RBPJ: variants seen among roughly 807,000 people sequenced by gnomAD.
The protein encoded by RBPJ is recombination signal binding protein for immunoglobulin kappa J region.
In RBPJ, 9 loss-of-function variants were observed where a neutral mutation model predicts 67.8. The ratio of observed to expected loss-of-function variants is 0.13; its 90% CI spans 0.08 to 0.23. RBPJ has a LOEUF of 0.23. Ranked by LOEUF, RBPJ falls within the 10% of genes least tolerant of loss-of-function variation. The pLI, the probability that RBPJ is intolerant of heterozygous loss-of-function variation, is 1.00. For synonymous variants in RBPJ, 198 were observed against 203.3 expected (o/e 0.97, Z 0.22); for missense variants, 305 against 595.6 (o/e 0.51, Z 5.08).
At chr4:26,419,308 T>C (rs1734895822) in intron 4 of RBPJ, among the ~76,000 whole-genome samples, 1 of 152,222 alleles carries the variant, frequency 6.6e-6, no homozygotes, top group Non-Finnish European at 1.5e-5. Flanking sequence ...ATTGGCTTTA[T>C]CTTATTTTTG....
chr4:26,371,897 A>G (rs1042336876), intron 1 of RBPJ, among the ~76,000 whole-genome samples: 1 of 152,242 alleles, frequency 6.6e-6, no homozygotes, highest in Non-Finnish European at 1.5e-5. Context: ...ATGGAACAGA[A>G]TATGGCTTCC....
At position 26,172,076 on chromosome 4, in the gene RBPJ, C is replaced by T. The variant is rs144784662; in HGVS notation, c.-167+8462C>T. On this transcript the variant is annotated intron_variant, in intron 1 of 4. Transcript: ENST00000512351. ...GGCAGCGAAGGCTGGAAATCCACAT[C>T]GTCAAGCTCCTTCCATCCTTGTGCA... Among the ~76,000 whole-genome samples the T allele has an allele frequency of 4.1e-3, 625 of 152,280 alleles. 7 individuals are homozygous for T. The highest frequency in any genetic ancestry group is 0.014 in the African/African-American group (601 of 41,562).
At chr4:26,167,878 G>A (rs1411636009) in intron 1 of RBPJ, among the ~76,000 whole-genome samples, 1 of 152,140 alleles carries the variant, frequency 6.6e-6, no homozygotes, top group Non-Finnish European at 1.5e-5. Flanking sequence ...CTTATTATTA[G>A]AGACTAGGAT....
chr4:26,402,415 G>A (rs1009901132), intron 2 of RBPJ, among the ~76,000 whole-genome samples: 2 of 152,148 alleles, frequency 1.3e-5, no homozygotes, highest in Non-Finnish European at 2.9e-5. Context: ...TTTGTCCATA[G>A]TTAGCTTCCT....
At chr4:26,253,636 C>A (rs914526401) in intron 1 of RBPJ, among the ~76,000 whole-genome samples, 3 of 148,762 alleles carry the variant, frequency 2.0e-5, no homozygotes, top group Admixed American at 1.3e-4. Context: ...CCTTTCAGCC[C>A]ATTTTTAGAG....
chr4:26,299,903 C>T (rs938232992), intron 1 of RBPJ, among the ~76,000 whole-genome samples: 6 of 151,992 alleles, frequency 3.9e-5, no homozygotes, highest in Admixed American at 2.6e-4. Context: ...GTTGGCAAAG[C>T]TGGTCTCCTC....
intron 1 of RBPJ, among the ~76,000 whole-genome samples, chr4:26,314,522 T>G (rs999324409): frequency 1.2e-4 from 18 of 151,986 alleles, no homozygotes; most frequent in African/African-American, 4.4e-4. Context: ...GGGGGTGGAT[T>G]TTCTTCTTGG....
chr4:26,231,613 T>C (rs141746569), intron 1 of RBPJ, among the ~76,000 whole-genome samples: 169 of 152,156 alleles, frequency 1.1e-3, no homozygotes, highest in African/African-American at 3.9e-3. Flanking sequence ...GGTTTCACCA[T>C]GTTGGCCAGG....
intron 1 of RBPJ, among the ~76,000 whole-genome samples, chr4:26,380,736 G>A (rs1485180069): frequency 6.6e-6 from 1 of 151,880 alleles, no homozygotes; most frequent in African/African-American, 2.4e-5. Flanking sequence ...GTAAAGTTTA[G>A]TTTAATTATG....
At chr4:26,348,706 G>T (rs1252684864) in intron 1 of RBPJ, among the ~76,000 whole-genome samples, 4 of 149,620 alleles carry the variant, frequency 2.7e-5, no homozygotes, top group Non-Finnish European at 5.9e-5. Context: ...TTTGTTTTTT[G>T]TTTTTTTTTG....
chr4:26,304,431 A>T (rs1722169755), intron 1 of RBPJ, among the ~76,000 whole-genome samples: 1 of 152,200 alleles, frequency 6.6e-6, no homozygotes, highest in South Asian at 2.1e-4. Context: ...TGCTTTTTAA[A>T]ATGGTTACAT....
upstream of RBPJ, chr4:26,319,829 T>G: frequency 6.4e-7 from 1 of 1,572,690 alleles, no homozygotes; most frequent in Non-Finnish European, 8.7e-7. Context: ...GAGGCAGTGC[T>G]GGATCTGGGA....
At chr4:26,247,927 C>T (rs927889447) in intron 1 of RBPJ, among the ~76,000 whole-genome samples, 1 of 151,924 alleles carries the variant, frequency 6.6e-6, no homozygotes, top group Non-Finnish European at 1.5e-5. Flanking sequence ...AACAGAAGCC[C>T]GATCCTCAGC....
At chr4:26,123,250 G>A in the RBPJ span, among the ~76,000 whole-genome samples, 2 of 152,258 alleles carry the variant, frequency 1.3e-5, no homozygotes, top group East Asian at 3.9e-4. Context: ...GGCAACCAGA[G>A]CACAATGGGA....
chr4:26,397,940 T>A (rs1374327864), intron 2 of RBPJ, among the ~76,000 whole-genome samples: 2 of 152,108 alleles, frequency 1.3e-5, no homozygotes, highest in Admixed American at 1.3e-4. Flanking sequence ...GCATTGTAAC[T>A]CTTTGAAAAT....
At chr4:26,316,884 T>C (rs181241958), upstream of RBPJ, among the ~76,000 whole-genome samples, 404 of 123,982 alleles carry the variant, frequency 3.3e-3, 2 homozygotes, top group Non-Finnish European at 5.7e-3. Flanking sequence ...GGTTGCTCCA[T>C]ATGCCTTTTT....
intron 1 of RBPJ, among the ~76,000 whole-genome samples, chr4:26,328,428 A>T (rs1723879561): frequency 6.6e-6 from 1 of 152,166 alleles, no homozygotes; most frequent in Admixed American, 6.5e-5. Context: ...GTACACAGGT[A>T]ATTATTGTGT....
chr4:26,161,688 A>T (rs1160018196), upstream of RBPJ, among the ~76,000 whole-genome samples: 1 of 152,154 alleles, frequency 6.6e-6, no homozygotes, highest in African/African-American at 2.4e-5. Flanking sequence ...ACAGATACAA[A>T]GGCAACAGCA....
chr4:26,223,624 A>G (rs1718987016), intron 1 of RBPJ, among the ~76,000 whole-genome samples: 1 of 152,250 alleles, frequency 6.6e-6, no homozygotes, highest in Admixed American at 6.5e-5. Context: ...GCTGGAAGAT[A>G]GCTGGGCTGG....
Sources: gnomAD v4.1 joint callset for allele counts (sites outside exome capture counted in the v4.1 genomes callset) on GRCh38, gnomAD v4.1.1 for gene constraint, MANE v1.5 for transcripts, NCBI Gene and HGNC (gene_info 2026-07-23, HGNC 2026-07-21) for gene names.